The following CSGALNACT2 variants were observed in gnomAD, a reference collection of about 807,000 sequenced individuals.
CSGALNACT2 encodes beta 4 GalNAcT-2.
In CSGALNACT2, 35 loss-of-function variants were observed where a neutral mutation model predicts 55.3. The ratio of observed to expected loss-of-function variants is 0.63; its 90% confidence interval spans 0.48 to 0.84. CSGALNACT2 has a LOEUF of 0.84. CSGALNACT2 is among the 40% of genes least tolerant of loss of function. The probability of loss-of-function intolerance (pLI) is 0.00; values close to 1 mark genes in which losing one functional copy is unlikely to be tolerated. For missense variants in CSGALNACT2, 544 were observed against 657.5 expected (o/e 0.83, Z 1.89); for synonymous variants, 196 against 224.9 (o/e 0.87, Z 1.15).
chr10:43,162,958 C>T (rs190253785), intron 4 of CSGALNACT2: 3 of 985,262 alleles, frequency 3.0e-6, no homozygotes, highest in Non-Finnish European at 3.6e-6. Context: ...GGGAGGTACT[C>T]TTCACTCTGA....
intron 7 of CSGALNACT2, among the ~76,000 whole-genome samples, chr10:43,182,773 GC>G (rs1397278021): frequency 1.3e-5 from 2 of 151,556 alleles, no homozygotes; most frequent in East Asian, 3.9e-4. Context: ...GCTACTCGGG[GC>G]TGAGATGGGA....
intron 1 of CSGALNACT2, among the ~76,000 whole-genome samples, chr10:43,153,530 G>T (rs1838927425): frequency 6.6e-6 from 1 of 151,010 alleles, no homozygotes; most frequent in South Asian, 2.1e-4. Flanking sequence ...TGCAGCATTT[G>T]CCACAGAAAG....
intron 7 of CSGALNACT2, among the ~76,000 whole-genome samples, chr10:43,179,235 T>C (rs1378869272): frequency 7.9e-5 from 12 of 151,748 alleles, no homozygotes; most frequent in Admixed American, 7.9e-4. Context: ...ACAGGCAGTT[T>C]TTGTTGCTTG....
At chr10:43,178,389 G>A (rs2505554) in intron 7 of CSGALNACT2, among the ~76,000 whole-genome samples, 115,519 of 152,120 alleles carry the variant, frequency 0.76, 44,520 homozygotes, top group African/African-American at 0.84. Context: ...TTGGGAGGCC[G>A]AGGCGGGCAG....
In CSGALNACT2 at chr10:43,163,874, A is replaced by C; in HGVS notation, c.989A>C (p.Asn330Thr). ...GTGTGCTTTCCTCATAGTGAGTCTA[A>C]TTTTCACAATTACACCTTGGTCTCA... is the stretch of plus-strand genomic sequence containing the variant. The part of the protein sequence containing the change: ...SILESVTSES[N>T]FHNYTLVSLN... Residue 330 changes from asparagine to threonine, a missense_variant, in exon 5 of 8, where the codon AAT (asparagine) becomes ACT (threonine). Coordinates refer to ENST00000374466, the MANE Select transcript of CSGALNACT2 (RefSeq NM_018590.5). 1 of 1,612,790 alleles carries C rather than the reference A, an allele frequency of 6.2e-7. No homozygotes were observed. The highest frequency in any genetic ancestry group is 8.5e-7 in the Non-Finnish European group (1 of 1,179,368).
At chr10:43,147,892 A>G (rs959933394) in intron 1 of CSGALNACT2, among the ~76,000 whole-genome samples, 3 of 151,308 alleles carry the variant, frequency 2.0e-5, no homozygotes, top group South Asian at 4.2e-4. Context: ...CCTTTGCAAC[A>G]CAAGTTTTTT....
intron 7 of CSGALNACT2, among the ~76,000 whole-genome samples, chr10:43,177,771 T>A (rs1162575616): frequency 6.6e-6 from 1 of 152,262 alleles, no homozygotes; most frequent in Non-Finnish European, 1.5e-5. Flanking sequence ...TCAATTCTCT[T>A]GGACATATGC....
chr10:43,151,733 C>T (rs1000550089), intron 1 of CSGALNACT2, among the ~76,000 whole-genome samples: 9 of 152,098 alleles, frequency 5.9e-5, no homozygotes, highest in Non-Finnish European at 1.3e-4. Flanking sequence ...GAGCTGCATC[C>T]CATGAACTCA....
rs368333949 is a variant in CSGALNACT2, at chr10:43,158,737, T to G, written c.684T>G (p.Asp228Glu). The G allele has an allele frequency of 1.1e-4, 181 of 1,606,598 alleles. No individual in the cohort carries two copies. The Middle Eastern group carries it at 2.0e-3, about 18-fold the overall frequency. Residue 228 changes from aspartate to glutamate, a missense_variant, in exon 3 of 8, where the codon GAT becomes GAG. Asp to Glu is a conservative substitution (Grantham distance 45). Around this residue, in one of 2 missense-constraint regions of CSGALNACT2, gnomAD observed 374 missense variants for 401.3 expected, o/e 0.93. Coordinates refer to ENST00000374466, the MANE Select transcript of CSGALNACT2 (RefSeq NM_018590.5). ...TAGGTTATTATCGCACTGAGAGAGATAAGGGCACACAGTATGAACTCTTTT... is the reference window on the plus strand; with the variant it reads ...TAGGTTATTATCGCACTGAGAGAGAGAAGGGCACACAGTATGAACTCTTTT... ...FVEGYYRTER[D>E]KGTQYELFFK... is the part of the protein sequence containing the mutation.
chr10:43,162,973 T>A, intron 4 of CSGALNACT2: 1 of 985,354 alleles, frequency 1.0e-6, no homozygotes, highest in Non-Finnish European at 1.2e-6. Flanking sequence ...CTCTGACCCT[T>A]CTCTCATTGT....
intron 1 of CSGALNACT2, among the ~76,000 whole-genome samples, chr10:43,147,843 C>G (rs1265786710): frequency 8.1e-6 from 1 of 123,766 alleles, no homozygotes; most frequent in Non-Finnish European, 1.7e-5. Context: ...CAAATGTTCT[C>G]TAATTGTATG....
chr10:43,175,956 C>T lies in CSGALNACT2; in HGVS notation c.1260C>T (p.His420=), dbSNP rs144838728. 3 of 1,593,610 alleles carry T rather than the reference C, an allele frequency of 1.9e-6. No individual in the cohort carries two copies. Among genetic ancestry groups the T allele is most frequent in the African/African-American group, 2.8e-5 (2 of 72,516 alleles). ...VPPPVEQQLV[H]KKDSGFWRDF... is the part of the protein sequence containing the mutation. ...TTTTTTTTTTTTTAACTAAGGTTCACAAAAAGGATTCTGGCTTTTGGCGAG... is the reference window on the plus strand; with the variant it reads ...TTTTTTTTTTTTTAACTAAGGTTCATAAAAAGGATTCTGGCTTTTGGCGAG... The change falls in exon 7 of 8, where the codon CAC becomes CAT. Residue 420 remains histidine, a synonymous_variant. Transcript: ENST00000374466.
At chr10:43,143,093 T>C (rs1838665433) in intron 1 of CSGALNACT2, among the ~76,000 whole-genome samples, 1 of 152,210 alleles carries the variant, frequency 6.6e-6, no homozygotes, top group African/African-American at 2.4e-5. Context: ...TATTATGGAA[T>C]TTGTCTGTAA....
chr10:43,182,221 G>C (rs1179101405), intron 7 of CSGALNACT2, among the ~76,000 whole-genome samples: 1 of 151,978 alleles, frequency 6.6e-6, no homozygotes, highest in East Asian at 1.9e-4. Context: ...GCCAGGTCCA[G>C]TCAGTTCTTC....
At chr10:43,182,573 C>T (rs1839607767) in intron 7 of CSGALNACT2, among the ~76,000 whole-genome samples, 2 of 152,006 alleles carry the variant, frequency 1.3e-5, no homozygotes, top group African/African-American at 4.8e-5. Flanking sequence ...CCCAGAAAAG[C>T]GTGTGTCTCA....
chr10:43,177,462 G>C (rs1839503181), intron 7 of CSGALNACT2, among the ~76,000 whole-genome samples: 1 of 152,004 alleles, frequency 6.6e-6, no homozygotes, highest in Non-Finnish European at 1.5e-5. Context: ...GCATCTACTG[G>C]TCTACTTCCT....
At chr10:43,155,855 A>G (rs377323289) in intron 2 of CSGALNACT2, 45 bp downstream of exon 2, 5 of 1,469,838 alleles carry the variant, frequency 3.4e-6, no homozygotes, top group Non-Finnish European at 4.7e-6. Flanking sequence ...AGTAAGACAA[A>G]TGCTAGTATT....
At chr10:43,143,494 TGTG>T (rs1009361072) in intron 1 of CSGALNACT2, among the ~76,000 whole-genome samples, 22 of 7,110 alleles carry the variant, frequency 3.1e-3, no homozygotes, top group Middle Eastern at 0.036. Context: ...TCTCCAAAAA[TGTG>T]TGTGTGTGTG....
intron 7 of CSGALNACT2, among the ~76,000 whole-genome samples, chr10:43,180,437 T>G (rs1485227022): frequency 6.6e-6 from 1 of 152,242 alleles, no homozygotes; most frequent in African/African-American, 2.4e-5. Flanking sequence ...CGCAGTGTTT[T>G]TGATCTCTAG....
Sources: gnomAD v4.1 joint callset for allele counts (sites outside exome capture counted in the v4.1 genomes callset) on GRCh38, gnomAD v4.1.1 for gene constraint, gnomAD v4.1.1 regional missense constraint, MANE v1.5 for transcripts, NCBI Gene and HGNC (gene_info 2026-07-23, HGNC 2026-07-21) for gene names.